PCDHB12: variants seen among roughly 807,000 people sequenced by gnomAD.
PCDHB12 encodes protocadherin beta 12.
For missense variants in PCDHB12, 1,192 were observed against 998.2 expected, an observed-to-expected ratio of 1.19 and a Z score of -2.62; for synonymous variants, 560 against 445.2, an observed-to-expected ratio of 1.26 and a Z score of -3.24.
Position 141,210,641 on chromosome 5 carries a change from G to A in PCDHB12, c.1734G>A (p.Trp578Ter), listed in dbSNP as rs1365485272. The A allele has an allele frequency of 4.3e-6, 7 of 1,611,202 alleles. No individual in the cohort carries two copies. The African/African-American group carries it at 9.3e-5, about 22-fold the overall frequency. Residue 578 changes from tryptophan to a stop codon, truncating the protein, a stop_gained, in exon 1 of 1, where the codon TGG (tryptophan) becomes TGA (stop). Transcript: ENST00000239450. LOFTEE classifies it low-confidence loss of function (END_TRUNC). Reference protein sequence around the residue: ...GSAPCTELVPWAAEPGYLVTK... With the variant: ...GSAPCTELVP ...CGCCCTGCACCGAGCTGGTGCCCTGGGCGGCCGAGCCGGGCTACCTGGTGA... is the reference window on the plus strand; with the variant it reads ...CGCCCTGCACCGAGCTGGTGCCCTGAGCGGCCGAGCCGGGCTACCTGGTGA...
chr5:141,209,366 G>A lies in PCDHB12; in HGVS notation c.459G>A (p.Leu153=), dbSNP rs556231904. 6.2e-7 allele frequency: 1 copy of A among 1,614,206 alleles called. No homozygotes were observed. The highest frequency in any genetic ancestry group is 8.5e-7 in the Non-Finnish European group (1 of 1,180,040). Residue 153 remains leucine (L), a synonymous_variant, in exon 1 of 1, where the codon TTG becomes TTA. Transcript: ENST00000239450. Reference sequence around the variant, plus strand: ...ACAGTCCTGTTGGTGCTGTGTTCTTGCTTGAAAGTGCAAAGGATTTAGATG... The same window carrying A: ...ACAGTCCTGTTGGTGCTGTGTTCTTACTTGAAAGTGCAAAGGATTTAGATG... ...PENSPVGAVF[L]LESAKDLDVG...
In PCDHB12 at chr5:141,210,324, A is replaced by G. The variant is rs140960156; in HGVS notation, c.1417A>G (p.Ile473Val). Residue 473 changes from isoleucine to valine, a missense_variant, in exon 1 of 1, where the codon ATC becomes GTC. Transcript: ENST00000239450. ...CAGCCCCGCCCTGCACATCGGCAGC[A>G]TCAGCGCCACAGACAGAGACTCGGG... ...NNSPALHIGSISATDRDSGTN... is the reference protein window; with the variant it reads ...NNSPALHIGSVSATDRDSGTN... 170 of 1,613,320 alleles carry G rather than the reference A, an allele frequency of 1.1e-4. No homozygotes were observed. The highest frequency in any genetic ancestry group is 5.6e-4 in the Middle Eastern group (3 of 5,324).
In PCDHB12 at chr5:141,210,139, G is replaced by T; in HGVS notation, c.1232G>T (p.Arg411Ile). Residue 411 changes from arginine (R) to isoleucine (I), a missense_variant, in exon 1 of 1, where the codon AGA becomes ATA. Transcript: ENST00000239450. ...TTGGAAACAGAGAGACCGCTGGACA[G>T]AGAGAGCAGAGCCGAGTACAACATC... ...YTLETERPLD[R>I]ESRAEYNITI... The T allele has an allele frequency of 6.2e-7, 1 of 1,614,202 alleles. No individual in the cohort carries two copies. Among genetic ancestry groups the T allele is most frequent in the Non-Finnish European group, 8.5e-7 (1 of 1,180,032 alleles).
Position 141,211,171 on chromosome 5 carries a change from T to G in PCDHB12, c.2264T>G (p.Val755Gly), listed in dbSNP as rs540988726. 83 of 1,614,070 alleles carry G rather than the reference T, an allele frequency of 5.1e-5. No homozygotes were observed. The highest frequency in any genetic ancestry group is 6.5e-5 in the Non-Finnish European group (77 of 1,180,028). ...LSQSYHYEVC[V>G]TGGSRSNKFK... is the part of the protein sequence containing the mutation. Reference sequence around the variant, plus strand: ...CAGAGCTACCACTATGAGGTGTGTGTGACTGGAGGCTCCAGGTCAAATAAG... The same window carrying G: ...CAGAGCTACCACTATGAGGTGTGTGGGACTGGAGGCTCCAGGTCAAATAAG... The change falls in exon 1 of 1, where the codon GTG becomes GGG. Residue 755 changes from valine (V) to glycine (G), a missense_variant. By Grantham distance (109) the Val-to-Gly change is moderately radical. Coordinates refer to ENST00000239450, the MANE Select transcript of PCDHB12 (RefSeq NM_018932.4).
At position 141,212,019 on chromosome 5, in the gene PCDHB12, A is replaced by G. The variant is rs1334265613; in HGVS notation, c.*724A>G. The G allele has an allele frequency of 1.2e-5, 2 of 167,020 alleles. No individual in the cohort carries two copies. Among genetic ancestry groups the G allele is most frequent in the Non-Finnish European group, 2.9e-5 (2 of 68,082 alleles). The allele number at this position is 167,020 out of a possible 1,614,324, so 10.3% of individuals were successfully genotyped here. A position where few individuals can be genotyped will look rare whatever the true frequency, so the allele number is the denominator to read the frequency against. ...AGAAATAAACTTTATCTATGATTTC[A>G]TTTTCTTATAAACCAGTAATCTTGC... On this transcript the variant is annotated 3_prime_UTR_variant, in exon 1 of 1. Coordinates refer to ENST00000239450, the MANE Select transcript of PCDHB12 (RefSeq NM_018932.4).
Position 141,210,647 on chromosome 5 carries a change from C to G in PCDHB12, c.1740C>G (p.Ala580=), listed in dbSNP as rs1176809215. 1.2e-6 allele frequency: 2 copies of G among 1,611,204 alleles called. No homozygotes were observed. Among genetic ancestry groups the G allele is most frequent in the Non-Finnish European group, 1.7e-6 (2 of 1,179,740 alleles). ...GCACCGAGCTGGTGCCCTGGGCGGCCGAGCCGGGCTACCTGGTGACCAAGG... is the reference window on the plus strand; with the variant it reads ...GCACCGAGCTGGTGCCCTGGGCGGCGGAGCCGGGCTACCTGGTGACCAAGG... The part of the protein sequence containing the change: ...APCTELVPWA[A]EPGYLVTKVV... The change falls in exon 1 of 1, where the codon GCC becomes GCG. Residue 580 remains alanine (A), a synonymous_variant. Transcript: ENST00000239450.
Position 141,210,995 on chromosome 5 carries a change from A to G in PCDHB12, c.2088A>G (p.Ser696=), listed in dbSNP as rs528485275. 52 of 1,610,938 alleles carry G rather than the reference A, an allele frequency of 3.2e-5. No homozygotes were observed. Among genetic ancestry groups the G allele is most frequent in the East Asian group, 2.7e-4 (12 of 44,774 alleles). ...LTVYLVVALA[S]VSSLFLFSVL... ...TCTACCTGGTGGTGGCGTTGGCCTC[A>G]GTGTCGTCGCTCTTCCTCTTCTCGG... Residue 696 remains serine (S), a synonymous_variant, in exon 1 of 1, where the codon TCA becomes TCG. Coordinates refer to ENST00000239450, the MANE Select transcript of PCDHB12 (RefSeq NM_018932.4).
chr5:141,211,187 G>T lies in PCDHB12; in HGVS notation c.2280G>T (p.Arg760Ser). ...AGGTGTGTGTGACTGGAGGCTCCAGGTCAAATAAGTTCAAATTTCTGAAAC... is the reference window on the plus strand; with the variant it reads ...AGGTGTGTGTGACTGGAGGCTCCAGTTCAAATAAGTTCAAATTTCTGAAAC... ...HYEVCVTGGSRSNKFKFLKPI... is the reference protein window; with the variant it reads ...HYEVCVTGGSSSNKFKFLKPI... Residue 760 changes from arginine (R) to serine (S), a missense_variant, in exon 1 of 1, where the codon AGG becomes AGT. Arg to Ser is a moderately radical substitution (Grantham distance 110). Transcript: ENST00000239450. The T allele has an allele frequency of 6.2e-7, 1 of 1,614,122 alleles. No homozygotes were observed. The highest frequency in any genetic ancestry group is 1.1e-5 in the South Asian group (1 of 91,080).
rs1563975823 is a variant in PCDHB12 at position 141,208,952 on chromosome 5, GC to G, written c.46del (p.Leu16PhefsTer20). On this transcript the variant is annotated frameshift_variant, in exon 1 of 1. Coordinates refer to ENST00000239450, the MANE Select transcript of PCDHB12 (RefSeq NM_018932.4). LOFTEE classifies it low-confidence loss of function (END_TRUNC). ...AGTLQIRQVL[L>X]FFVLLGMSQA... ...GCACTCTGCAGATAAGGCAAGTCCT[GC>G]TTTTCTTTGTTTTGCTGGGAATGTC... 1.9e-6 allele frequency: 3 copies of G among 1,553,994 alleles called. No individual in the cohort carries two copies. Among genetic ancestry groups the G allele is most frequent in the Non-Finnish European group, 2.6e-6 (3 of 1,154,818 alleles).
rs562142463 is a variant in PCDHB12, at chr5:141,211,001, G to T, written c.2094G>T (p.Ser698=). ...VYLVVALASV[S]SLFLFSVLLF... ...TGGTGGTGGCGTTGGCCTCAGTGTC[G>T]TCGCTCTTCCTCTTCTCGGTGCTCC... Residue 698 remains serine, a synonymous_variant, in exon 1 of 1, where the codon TCG becomes TCT. Transcript: ENST00000239450. 1.9e-5 allele frequency: 31 copies of T among 1,611,554 alleles called. No individual in the cohort carries two copies. Among genetic ancestry groups the T allele is most frequent in the Middle Eastern group, 1.9e-4 (1 of 5,296 alleles).
chr5:141,211,235 C>A lies in PCDHB12; in HGVS notation c.2328C>A (p.Pro776=). The change falls in exon 1 of 1, where the codon CCC becomes CCA. Residue 776 remains proline (P), a synonymous_variant. Transcript: ENST00000239450. ...AACCAATTATCCCCAACTTCCTACCCCAGAGCACAGGTAGTGAAGTCGAAG... is the reference window on the plus strand; with the variant it reads ...AACCAATTATCCCCAACTTCCTACCACAGAGCACAGGTAGTGAAGTCGAAG... The part of the protein sequence containing the change: ...FLKPIIPNFL[P]QSTGSEVEEN... 2 of 1,613,434 alleles carry A rather than the reference C, an allele frequency of 1.2e-6. No individual in the cohort carries two copies. The highest frequency in any genetic ancestry group is 1.7e-6 in the Non-Finnish European group (2 of 1,179,712).
At position 141,210,895 on chromosome 5, in the gene PCDHB12, T is replaced by A; in HGVS notation, c.1988T>A (p.Val663Glu). 1 of 1,608,272 alleles carries A rather than the reference T, an allele frequency of 6.2e-7. No homozygotes were observed. Among genetic ancestry groups the A allele is most frequent in the Non-Finnish European group, 8.5e-7 (1 of 1,179,614 alleles). ...ACCGCCACGCTGCACGTGCTCCTGGTGGACGGCTTCTCCCAGCCCTACCTG... is the reference window on the plus strand; with the variant it reads ...ACCGCCACGCTGCACGTGCTCCTGGAGGACGGCTTCTCCCAGCCCTACCTG... Reference protein sequence around the residue: ...SATATLHVLLVDGFSQPYLPL... With the variant: ...SATATLHVLLEDGFSQPYLPL... Residue 663 changes from valine (V) to glutamate (E), a missense_variant, in exon 1 of 1, where the codon GTG (valine) becomes GAG (glutamate). Val to Glu is a moderately radical substitution (Grantham distance 121). Transcript: ENST00000239450.
At position 141,212,495 on chromosome 5, in the gene PCDHB12, G is replaced by A. The variant is rs1754481567; in HGVS notation, c.*1200G>A. 1.3e-5 allele frequency: 2 copies of A among 152,018 alleles called. No homozygotes were observed. The highest frequency in any genetic ancestry group is 4.2e-4 in the South Asian group (2 of 4,818). 9.4% of individuals were successfully genotyped at this position (152,018 alleles called of 1,614,324 possible). ...ATAACCGATTCTTATATTTAAAATA[G>A]GTAATTTTTGCATAGTTGTGTTCTA... On this transcript the variant is annotated 3_prime_UTR_variant, in exon 1 of 1. Transcript: ENST00000239450.
In PCDHB12 at chr5:141,209,661, C is replaced by A; in HGVS notation, c.754C>A (p.Leu252Met). The change falls in exon 1 of 1, where the codon CTG (leucine) becomes ATG (methionine). Residue 252 changes from leucine (L) to methionine (M), a missense_variant. Coordinates refer to ENST00000239450, the MANE Select transcript of PCDHB12 (RefSeq NM_018932.4). ...FEQAFYEVKI[L>M]ENSILGSLVV... is the part of the protein sequence containing the mutation. Reference sequence around the variant, plus strand: ...GCAGGCTTTTTATGAGGTGAAGATTCTGGAGAATAGCATCCTTGGCTCCCT... The same window carrying A: ...GCAGGCTTTTTATGAGGTGAAGATTATGGAGAATAGCATCCTTGGCTCCCT... 6.2e-7 allele frequency: 1 copy of A among 1,614,144 alleles called. No individual in the cohort carries two copies. The highest frequency in any genetic ancestry group is 8.5e-7 in the Non-Finnish European group (1 of 1,180,026).
rs782366791 is a variant in PCDHB12, at chr5:141,210,200, A to G, written c.1293A>G (p.Leu431=). 3.9e-5 allele frequency: 63 copies of G among 1,614,012 alleles called. No individual in the cohort carries two copies. Among genetic ancestry groups the G allele is most frequent in the Non-Finnish European group, 4.4e-5 (52 of 1,179,986 alleles). ...TCACCGACTTGGGGACCCCCAGGCTAAAAACCGAGCACAACATAACCGTGC... is the reference window on the plus strand; with the variant it reads ...TCACCGACTTGGGGACCCCCAGGCTGAAAACCGAGCACAACATAACCGTGC... ...ITVTDLGTPR[L]KTEHNITVLV... is the part of the protein sequence containing the mutation. The change falls in exon 1 of 1, where the codon CTA becomes CTG. Residue 431 remains leucine, a synonymous_variant. Coordinates refer to ENST00000239450, the MANE Select transcript of PCDHB12 (RefSeq NM_018932.4).
rs1563977225 is a variant in PCDHB12 at position 141,209,641 on chromosome 5, C to G, written c.734C>G (p.Ala245Gly). ...INDNSPEFEQ[A>G]FYEVKILENS... ...GACAACTCCCCTGAGTTTGAGCAGG[C>G]TTTTTATGAGGTGAAGATTCTGGAG... is the stretch of plus-strand genomic sequence containing the variant. Residue 245 changes from alanine (A) to glycine (G), a missense_variant, in exon 1 of 1, where the codon GCT becomes GGT. Ala to Gly is a moderately conservative substitution (Grantham distance 60). Transcript: ENST00000239450. The G allele has an allele frequency of 6.2e-7, 1 of 1,614,156 alleles. No homozygotes were observed. Among genetic ancestry groups the G allele is most frequent in the Non-Finnish European group, 8.5e-7 (1 of 1,180,024 alleles).
In PCDHB12 at chr5:141,211,815, G is replaced by A. The variant is rs1490154627; in HGVS notation, c.*520G>A. 1 of 177,416 alleles carries A rather than the reference G, an allele frequency of 5.6e-6. No individual in the cohort carries two copies. The highest frequency in any genetic ancestry group is 2.4e-5 in the African/African-American group (1 of 41,400). 11.0% of individuals were successfully genotyped at this position (177,416 alleles called of 1,614,324 possible). ...TTAGAGATTCAGTAAGTTCACTAAGGTCCACTAACTAATAAGTGACAAAAC... is the reference window on the plus strand; with the variant it reads ...TTAGAGATTCAGTAAGTTCACTAAGATCCACTAACTAATAAGTGACAAAAC... On this transcript the variant is annotated 3_prime_UTR_variant, in exon 1 of 1. Transcript: ENST00000239450.
Position 141,210,000 on chromosome 5 carries a change from G to C in PCDHB12, c.1093G>C (p.Val365Leu). The C allele has an allele frequency of 6.2e-7, 1 of 1,614,192 alleles. No homozygotes were observed. ...PIPENTPETVVMVFRIRDRDS... is the reference protein window; with the variant it reads ...PIPENTPETVLMVFRIRDRDS... ...CCCAGAAAACACTCCAGAGACTGTG[G>C]TTATGGTTTTCAGGATACGAGACAG... Residue 365 changes from valine to leucine, a missense_variant, in exon 1 of 1, where the codon GTT (valine) becomes CTT (leucine). Val to Leu is a conservative substitution (Grantham distance 32). Coordinates refer to ENST00000239450, the MANE Select transcript of PCDHB12 (RefSeq NM_018932.4).
In PCDHB12 at chr5:141,212,239, C is replaced by G. The variant is rs183628645; in HGVS notation, c.*944C>G. 10 of 165,432 alleles carry G rather than the reference C, an allele frequency of 6.0e-5. No individual in the cohort carries two copies. In the Admixed American group the frequency reaches 6.5e-4, roughly 11 times the overall value. The allele number at this position is 165,432 out of a possible 1,614,324, so 10.2% of individuals were successfully genotyped here. ...GATGGCATTATTAGTTAATTATTTTCTTTACATTGTAGTATATTTCCAGAG... is the reference window on the plus strand; with the variant it reads ...GATGGCATTATTAGTTAATTATTTTGTTTACATTGTAGTATATTTCCAGAG... On this transcript the variant is annotated 3_prime_UTR_variant, in exon 1 of 1. Transcript: ENST00000239450.
Sources: gnomAD v4.1 joint callset for allele counts on GRCh38, gnomAD v4.1.1 for gene constraint, MANE v1.5 for transcripts, NCBI Gene and HGNC (gene_info 2026-07-23, HGNC 2026-07-21) for gene names.